Variants in VTCN1 observed in about 807,000 individuals in gnomAD.
VTCN1 encodes V-set domain containing T cell activation inhibitor 1.
In VTCN1, 26 loss-of-function variants were observed where a neutral mutation model predicts 26.5. That is an observed-to-expected ratio of 0.98 (90% confidence interval 0.72 to 1.36). VTCN1 has a LOEUF of 1.36. Among genes scored for constraint, VTCN1 ranks in the 40% most tolerant of loss-of-function variants. The probability of loss-of-function intolerance (pLI) is 0.00; values close to 1 mark genes in which losing one functional copy is unlikely to be tolerated. For synonymous variants in VTCN1, 116 were observed against 130.7 expected (o/e 0.89, Z 0.77); for missense variants, 298 against 337.7 (o/e 0.88, Z 0.92).
intron 1 of VTCN1, among the ~76,000 whole-genome samples, chr1:117,177,524 G>C (rs1647418819): frequency 6.6e-6 from 1 of 152,210 alleles, no homozygotes; most frequent in African/African-American, 2.4e-5. Context: ...GTGTGGAAGA[G>C]ACAGGACATC....
chr1:117,200,026 T>C (rs1262853760), intron 1 of VTCN1, among the ~76,000 whole-genome samples: 5 of 152,176 alleles, frequency 3.3e-5, no homozygotes, highest in African/African-American at 4.8e-5. Flanking sequence ...AGCACACACA[T>C]TGTATTAATA....
chr1:117,159,173 G>T lies in VTCN1; in HGVS notation c.98-2252C>A, dbSNP rs1257213878. ...TTCCACATTTTTGGGTATCTTTTCA[G>T]CAGTGCCCCACTCTACTGGTACCAA... On this transcript the variant is annotated intron_variant, in intron 2 of 5. Transcript: ENST00000369458. The surrounding 1 kb of genome is among the most constrained non-coding windows in gnomAD (Gnocchi z 4.7). Among the ~76,000 whole-genome samples, 1 of 152,138 alleles carries T rather than the reference G, an allele frequency of 6.6e-6. No individual in the cohort carries two copies. The highest frequency in any genetic ancestry group is 1.9e-4 in the East Asian group (1 of 5,202).
In VTCN1 at chr1:117,192,014, TAG is replaced by T. The variant is rs199813758; in HGVS notation, c.32+18808_32+18809del. 9.0e-3 allele frequency among the ~76,000 whole-genome samples: 1,337 copies of T among 148,442 alleles called. 19 individuals carry two copies. The highest frequency in any genetic ancestry group is 0.028 in the African/African-American group (1,122 of 40,782). ...AATTTCCCAATTCTTAGGAGATATATAGATATATATATATACACATCCAAATT... is the reference window on the plus strand; with the variant it reads ...AATTTCCCAATTCTTAGGAGATATATATATATATATATACACATCCAAATT... On this transcript the variant is annotated intron_variant, in intron 1 of 5. Coordinates refer to ENST00000369458, the MANE Select transcript of VTCN1 (RefSeq NM_024626.4).
chr1:117,164,157 T>C (rs1447709638), intron 2 of VTCN1, among the ~76,000 whole-genome samples: 2 of 152,106 alleles, frequency 1.3e-5, no homozygotes, highest in Non-Finnish European at 2.9e-5. Context: ...AACAGTCTCA[T>C]TGCAAACACA....
chr1:117,197,520 G>C (rs576828205), intron 1 of VTCN1, among the ~76,000 whole-genome samples: 34 of 152,150 alleles, frequency 2.2e-4, no homozygotes, highest in African/African-American at 8.2e-4. Context: ...GGAGTATACT[G>C]AGTAAACGAC....
chr1:117,195,262 A>AAATAATAATAATAATAAT (rs61710825), intron 1 of VTCN1, among the ~76,000 whole-genome samples: 1 of 142,506 alleles, frequency 7.0e-6, no homozygotes, highest in African/African-American at 2.6e-5. Context: ...CTCCGTCTCA[A>AAATAATAATAATAATAAT]AATAATAATA....
At chr1:117,186,235 G>A (rs1191336767) in intron 1 of VTCN1, among the ~76,000 whole-genome samples, 1 of 152,216 alleles carries the variant, frequency 6.6e-6, no homozygotes, top group Non-Finnish European at 1.5e-5. Context: ...TCTGGAATAT[G>A]TCAATGGTTG....
intron 2 of VTCN1, among the ~76,000 whole-genome samples, chr1:117,162,020 A>C (rs1195038144): frequency 1.3e-5 from 2 of 152,204 alleles, no homozygotes; most frequent in Non-Finnish European, 2.9e-5. Flanking sequence ...ATCCGTTGAA[A>C]TATCTCCCAG....
rs142273294 is a variant in VTCN1 at position 117,169,633 on chromosome 1, C to T, written c.97+474G>A. ...CTAGCCTGGGCACGGTGGCTCAGGC[C>T]GGCAATCCCAGCACTTTGGGAGGCC... On this transcript the variant is annotated intron_variant, in intron 2 of 5. Transcript: ENST00000369458. The surrounding 1 kb of genome is among the most constrained non-coding windows in gnomAD (Gnocchi z 4.0). 3.1e-4 allele frequency among the ~76,000 whole-genome samples: 47 copies of T among 152,290 alleles called. No homozygotes were observed. The East Asian group carries it at 8.3e-3, about 27-fold the overall frequency.
intron 1 of VTCN1, among the ~76,000 whole-genome samples, chr1:117,177,540 T>C (rs1280262617): frequency 6.6e-6 from 1 of 152,182 alleles, no homozygotes; most frequent in Non-Finnish European, 1.5e-5. Flanking sequence ...ACATCCTTTC[T>C]GGGCAGCCCC....
rs191278003 is a variant in VTCN1 at position 117,160,199 on chromosome 1, C to T, written c.98-3278G>A. Reference sequence around the variant, plus strand: ...GAGAAAAATGGAAAGAGTCTTTCATCCCCAGAGCTGTCTTGGATCCTGGGG... The same window carrying T: ...GAGAAAAATGGAAAGAGTCTTTCATTCCCAGAGCTGTCTTGGATCCTGGGG... On this transcript the variant is annotated intron_variant, in intron 2 of 5. Coordinates refer to ENST00000369458, the MANE Select transcript of VTCN1 (RefSeq NM_024626.4). Among the ~76,000 whole-genome samples the T allele has an allele frequency of 2.0e-5, 3 of 152,246 alleles. No individual in the cohort carries two copies. The East Asian group carries it at 5.8e-4, about 29-fold the overall frequency.
At chr1:117,178,259 CT>C (rs1194911017) in intron 1 of VTCN1, among the ~76,000 whole-genome samples, 25 of 108,358 alleles carry the variant, frequency 2.3e-4, no homozygotes, top group Non-Finnish European at 3.1e-4. Context: ...TCTTTTTTTT[CT>C]TTTTTTTTTT....
intron 2 of VTCN1, 171 bp from the exon 3 acceptor site, chr1:117,157,092 G>GATAT (rs145887761): frequency 0.02 from 11,136 of 557,462 alleles, 216 homozygotes; most frequent in Middle Eastern, 0.036. Flanking sequence ...CAATCATTTT[G>GATAT]ATATATATAT....
At chr1:117,191,406 C>T (rs181726503) in intron 1 of VTCN1, among the ~76,000 whole-genome samples, 2 of 152,200 alleles carry the variant, frequency 1.3e-5, no homozygotes, top group Non-Finnish European at 2.9e-5. Flanking sequence ...GTAATCTCAG[C>T]ACTTTCGGAG....
At chr1:117,177,549 C>T (rs555372836) in intron 1 of VTCN1, among the ~76,000 whole-genome samples, 54 of 152,198 alleles carry the variant, frequency 3.5e-4, no homozygotes, top group Admixed American at 2.4e-3. Flanking sequence ...CTGGGCAGCC[C>T]CTGCTCCATC....
chr1:117,172,794 GCACCAA>G (rs1450927763), intron 1 of VTCN1, among the ~76,000 whole-genome samples: 7 of 32,358 alleles, frequency 2.2e-4, no homozygotes, highest in Non-Finnish European at 5.8e-4. Context: ...GATTGTAAAT[GCACCAA>G]TCAGCACTCT....
At chr1:117,209,216 C>T (rs1467308372) in intron 1 of VTCN1, among the ~76,000 whole-genome samples, 4 of 152,308 alleles carry the variant, frequency 2.6e-5, no homozygotes, top group South Asian at 2.1e-4. Context: ...GTAGGGGATA[C>T]GAATTTTGAA....
chr1:117,170,331 A>C, intron 1 of VTCN1, 160 bp from the exon 2 acceptor site: 3 of 752,464 alleles, frequency 4.0e-6, no homozygotes, highest in Middle Eastern at 2.3e-4. Flanking sequence ...GTACCTTAGA[A>C]AGGAATTTCA....
intron 3 of VTCN1, among the ~76,000 whole-genome samples, chr1:117,154,477 C>T (rs1651962128): frequency 6.6e-6 from 1 of 152,202 alleles, no homozygotes; most frequent in Admixed American, 6.5e-5. Context: ...AACCAATGTG[C>T]ATTAGTCAAA....
Sources: allele counts gnomAD v4.1 joint callset (sites outside exome capture counted in the v4.1 genomes callset), GRCh38; gene constraint gnomAD v4.1.1; non-coding constraint Gnocchi (gnomAD v3.1); transcripts MANE v1.5; gene names NCBI Gene and HGNC (gene_info 2026-07-23, HGNC 2026-07-21).